PHF24: variants seen among roughly 807,000 people sequenced by gnomAD.
PHF24 encodes PHD finger protein 24, also known as Galpha inhibitory interacting protein.
In PHF24, 25 loss-of-function variants were observed where a neutral mutation model predicts 42.6. The ratio of observed to expected loss-of-function variants is 0.59; its 90% CI spans 0.43 to 0.82. PHF24 has a LOEUF of 0.82. PHF24 is among the 40% of genes least tolerant of loss of function. The pLI, the probability that PHF24 is intolerant of heterozygous loss-of-function variation, is 0.00. For synonymous variants in PHF24, 185 were observed against 204.8 expected (o/e 0.90, Z 0.83); for missense variants, 470 against 538.1 (o/e 0.87, Z 1.25).
chr9:34,769,251 G>T, the PHF24 span, among the ~76,000 whole-genome samples: 1 of 152,216 alleles, frequency 6.6e-6, no homozygotes, highest in East Asian at 1.9e-4. Context: ...TAGTAGCTGG[G>T]ATTACAGGCA....
the PHF24 span, among the ~76,000 whole-genome samples, chr9:34,916,316 C>A: frequency 6.6e-6 from 1 of 152,186 alleles, no homozygotes; most frequent in Non-Finnish European, 1.5e-5. Context: ...CAGGAGTCTA[C>A]TCTTTTATCG....
chr9:34,883,025 A>G, the PHF24 span, among the ~76,000 whole-genome samples: 1 of 152,346 alleles, frequency 6.6e-6, no homozygotes, highest in South Asian at 2.1e-4. Context: ...GATATAGATC[A>G]ATGGAACAGA....
At chr9:34,834,909 A>T in the PHF24 span, 3 of 1,417,916 alleles carry the variant, frequency 2.1e-6, 1 homozygote. Flanking sequence ...GGATCCTTCA[A>T]GGGGGGCTTG....
At chr9:34,964,636 G>A (rs561823132) in intron 1 of PHF24, among the ~76,000 whole-genome samples, 3 of 152,120 alleles carry the variant, frequency 2.0e-5, no homozygotes, top group African/African-American at 4.8e-5. Context: ...TAATAATCCC[G>A]CTGAATTCTA....
chr9:34,738,702 G>A, the PHF24 span, among the ~76,000 whole-genome samples: 6 of 152,208 alleles, frequency 3.9e-5, no homozygotes, highest in South Asian at 2.1e-4. Context: ...AAGAACATAC[G>A]GGGAAATTTT....
At chr9:34,972,356 A>G in exon 3 of PHF24, 1 of 1,603,468 alleles carries the variant, frequency 6.2e-7, no homozygotes, top group South Asian at 1.1e-5. Flanking sequence ...GTTGTCAACG[A>G]TGAGATGTGT....
At chr9:34,924,672 G>A in the PHF24 span, among the ~76,000 whole-genome samples, 1 of 152,018 alleles carries the variant, frequency 6.6e-6, no homozygotes, top group Non-Finnish European at 1.5e-5. Context: ...GTCTTTATAG[G>A]TGAAGTGTGT....
chr9:34,837,722 A>T, the PHF24 span: 2 of 1,463,530 alleles, frequency 1.4e-6, no homozygotes, highest in Non-Finnish European at 1.9e-6. Context: ...AAACATTAGA[A>T]TGTGAAGCTG....
chr9:34,768,249 T>C, the PHF24 span, among the ~76,000 whole-genome samples: 1 of 152,212 alleles, frequency 6.6e-6, no homozygotes, highest in Non-Finnish European at 1.5e-5. Flanking sequence ...ATTTTAGGGC[T>C]ATCCCATGCA....
chr9:34,976,119 A>C, intron 3 of PHF24, 33 bp from the exon 4 acceptor site: 5,331 of 1,503,062 alleles, frequency 3.5e-3, no homozygotes, highest in Non-Finnish European at 4.5e-3. Flanking sequence ...ACTGGCCTGT[A>C]TGGCCACCGA....
At chr9:34,779,466 T>G in the PHF24 span, among the ~76,000 whole-genome samples, 75 of 152,306 alleles carry the variant, frequency 4.9e-4, no homozygotes, top group African/African-American at 1.6e-3. Flanking sequence ...AACACAATCC[T>G]TATCAAAATT....
At chr9:34,853,796 C>A in the PHF24 span, among the ~76,000 whole-genome samples, 3 of 144,222 alleles carry the variant, frequency 2.1e-5, no homozygotes, top group Middle Eastern at 3.9e-3. Context: ...CCACTGCACT[C>A]CAGCCTGGGT....
At chr9:34,727,527 A>G in the PHF24 span, among the ~76,000 whole-genome samples, 6 of 152,228 alleles carry the variant, frequency 3.9e-5, no homozygotes, top group Non-Finnish European at 7.3e-5. Flanking sequence ...AGAGGATAAT[A>G]TAATAGACTC....
the PHF24 span, among the ~76,000 whole-genome samples, chr9:34,930,903 G>A: frequency 1.2e-3 from 176 of 152,196 alleles, 1 homozygote; most frequent in East Asian, 0.025. Flanking sequence ...TTTGTGTCCC[G>A]GCCCAAATCT....
the PHF24 span, chr9:34,837,817 G>C: frequency 1.5e-6 from 1 of 687,794 alleles, no homozygotes; most frequent in African/African-American, 1.8e-5. Context: ...TATTTTATAC[G>C]CTTTCCTGGA....
the PHF24 span, among the ~76,000 whole-genome samples, chr9:34,766,374 A>G: frequency 6.6e-6 from 1 of 152,082 alleles, no homozygotes. Context: ...ACATAGTCCC[A>G]TATTTCTTGG....
At chr9:34,740,327 C>G in the PHF24 span, among the ~76,000 whole-genome samples, 2 of 152,356 alleles carry the variant, frequency 1.3e-5, no homozygotes, top group East Asian at 3.9e-4. Context: ...CAGGAGCCCA[C>G]GGAGTGGGTG....
At chr9:34,932,807 CTA>C in the PHF24 span, among the ~76,000 whole-genome samples, 1 of 151,378 alleles carries the variant, frequency 6.6e-6, no homozygotes, top group Admixed American at 6.6e-5. Flanking sequence ...ATAAAAAATA[CTA>C]TTTTATATAA....
the PHF24 span, among the ~76,000 whole-genome samples, chr9:34,735,142 T>C: frequency 2.0e-5 from 3 of 148,026 alleles, no homozygotes; most frequent in South Asian, 2.2e-4. Context: ...TCTTTTTTTT[T>C]TTTTTTTTTT....
Sources: allele counts gnomAD v4.1 joint callset (sites outside exome capture counted in the v4.1 genomes callset), GRCh38; gene constraint gnomAD v4.1.1; transcripts MANE v1.5; gene names NCBI Gene and HGNC (gene_info 2026-07-23, HGNC 2026-07-21).